ANKH: variants seen among roughly 807,000 people sequenced by gnomAD.
ANKH encodes ANKH inorganic pyrophosphate transport regulator.
In ANKH, 15 loss-of-function variants were observed where a neutral mutation model predicts 49.0. That is an observed-to-expected ratio of 0.31 (90% CI 0.20 to 0.47). The LOEUF (loss-of-function observed/expected upper bound fraction) is 0.47. ANKH is among the 20% of genes least tolerant of loss of function. The pLI, the probability that ANKH is intolerant of heterozygous loss-of-function variation, is 1.00. For synonymous variants in ANKH, 273 were observed against 260.0 expected (o/e 1.05, Z -0.48); for missense variants, 429 against 652.0 (o/e 0.66, Z 3.72).
chr5:14,841,155 A>C (rs981577266), intron 1 of ANKH, among the ~76,000 whole-genome samples: 4 of 152,210 alleles, frequency 2.6e-5, no homozygotes, highest in Non-Finnish European at 5.9e-5. Flanking sequence ...AGAGCTGACA[A>C]AGTTTTATTT....
In ANKH at chr5:14,758,503, C is replaced by T. The variant is rs776696718; in HGVS notation, c.409G>A (p.Ala137Thr). 26 of 1,614,012 alleles carry T rather than the reference C, an allele frequency of 1.6e-5. No individual in the cohort carries two copies. Among genetic ancestry groups the T allele is most frequent in the Non-Finnish European group, 2.1e-5 (25 of 1,179,902 alleles). ...ACCATTGCGTCCATGAAAGGAAAGG[C>T]GGCGAGGTACAGGAAGGCCCTTCTC... is the stretch of plus-strand genomic sequence containing the variant. ...KTRRAFLYLAAFPFMDAMAWT... is the reference protein window; with the variant it reads ...KTRRAFLYLATFPFMDAMAWT... Residue 137 changes from alanine to threonine, a missense_variant, in exon 3 of 12, where the codon GCC (alanine) becomes ACC (threonine). Transcript: ENST00000284268.
Position 14,751,162 on chromosome 5 carries a change from G to A in ANKH, c.594C>T (p.Tyr198=). ...TGGTGCAGCGCACAAGTGCGCCCAT[G>A]TACAAGGAGAGGATCGGGATGAGCA... The part of the protein sequence containing the change: ...EPLLIPILSL[Y]MGALVRCTTL... Residue 198 remains tyrosine, a synonymous_variant, in exon 5 of 12, where the codon TAC becomes TAT. Transcript: ENST00000284268. 6.2e-7 allele frequency: 1 copy of A among 1,614,260 alleles called. No homozygotes were observed. Among genetic ancestry groups the A allele is most frequent in the Non-Finnish European group, 8.5e-7 (1 of 1,180,054 alleles).
chr5:14,798,163 C>A (rs1740450780), intron 1 of ANKH: 1 of 1,562,654 alleles, frequency 6.4e-7, no homozygotes, highest in Non-Finnish European at 8.8e-7. Context: ...CTGGCTATAA[C>A]AAGATGGTTT....
intron 1 of ANKH, among the ~76,000 whole-genome samples, chr5:14,809,335 T>TAAAAAAAAAAAAAAAA (rs36119317): frequency 5.3e-4 from 43 of 80,778 alleles, no homozygotes; most frequent in Non-Finnish European, 7.1e-4. Flanking sequence ...TAGAGTATAA[T>TAAAAAAAAAAAAAAAA]AAAAAAAAAA....
At chr5:14,836,618 A>G (rs1212673497) in intron 1 of ANKH, among the ~76,000 whole-genome samples, 1 of 152,226 alleles carries the variant, frequency 6.6e-6, no homozygotes, top group Non-Finnish European at 1.5e-5. Flanking sequence ...AAAATAAAAG[A>G]GGACACAAAC....
At chr5:14,762,754 T>A (rs949556171) in intron 2 of ANKH, among the ~76,000 whole-genome samples, 1 of 152,112 alleles carries the variant, frequency 6.6e-6, no homozygotes, top group African/African-American at 2.4e-5. Flanking sequence ...GGGGGTAATT[T>A]GTTTAAAGTG....
intron 1 of ANKH, among the ~76,000 whole-genome samples, chr5:14,839,894 C>T (rs1167068374): frequency 6.6e-6 from 1 of 152,188 alleles, no homozygotes; most frequent in African/African-American, 2.4e-5. Context: ...CCCTGACTGG[C>T]AAGTACCATC....
At chr5:14,749,151 C>A in intron 6 of ANKH, 21 bp downstream of exon 6, 2 of 1,613,954 alleles carry the variant, frequency 1.2e-6, no homozygotes, top group African/African-American at 2.7e-5. Flanking sequence ...ATAAGCCCCA[C>A]ATCCCCAAAG....
intron 7 of ANKH, among the ~76,000 whole-genome samples, chr5:14,744,313 G>C (rs34106421): frequency 0.057 from 8,533 of 148,474 alleles, 329 homozygotes; most frequent in East Asian, 0.13. Context: ...TCACAGTCCA[G>C]TAGGTGGTGG....
chr5:14,871,767 T>G lies in ANKH; in HGVS notation c.-320A>C, dbSNP rs1295019505. 3.5e-5 allele frequency: 5 copies of G among 141,152 alleles called. No individual in the cohort carries two copies. The highest frequency in any genetic ancestry group is 6.0e-5 in the Non-Finnish European group (4 of 66,734). The allele number at this position is 141,152 out of a possible 1,614,324, so 8.7% of individuals were successfully genotyped here. A position where few individuals can be genotyped will look rare whatever the true frequency, so the allele number is the denominator to read the frequency against. ...AAGGTTCTGCTGACAGCGGCTCCAT[T>G]ATAAGCGCTCTGGGGCCCGGAAATA... On this transcript the variant is annotated 5_prime_UTR_variant, in exon 1 of 12. Coordinates refer to ENST00000284268, the MANE Select transcript of ANKH (RefSeq NM_054027.6).
intron 1 of ANKH, among the ~76,000 whole-genome samples, chr5:14,793,974 C>A (rs1740291298): frequency 6.6e-6 from 1 of 152,252 alleles, no homozygotes; most frequent in Non-Finnish European, 1.5e-5. Flanking sequence ...TTCTGGCCTG[C>A]AAAGCAAATG....
In ANKH at chr5:14,711,186, C is replaced by T. The variant is rs111369645; in HGVS notation, c.*11G>A. 2,933 of 1,605,206 alleles carry T rather than the reference C, an allele frequency of 1.8e-3. 20 individuals are homozygous for T. The East Asian group carries it at 0.025, about 13-fold the overall frequency. ...CTGACTGTCCCTGCAGTGCCCATGG[C>T]GTCCCGTGCCTTATTCATTCTCCTC... is the stretch of plus-strand genomic sequence containing the variant. On this transcript the variant is annotated 3_prime_UTR_variant, in exon 12 of 12. Transcript: ENST00000284268.
intron 1 of ANKH, among the ~76,000 whole-genome samples, chr5:14,774,182 G>A (rs1739538060): frequency 6.6e-6 from 1 of 152,084 alleles, no homozygotes; most frequent in South Asian, 2.1e-4. Context: ...GAAACATTCA[G>A]TTATCATGCA....
rs1440523964 is a variant in ANKH, at chr5:14,770,222, GC to G, written c.97-1032del. ...TACAGAGCATTCCCATATATCCTTT[GC>G]CCCCCACAAACACGGAGCCTCCCCT... On this transcript the variant is annotated intron_variant, in intron 1 of 11. Coordinates refer to ENST00000284268, the MANE Select transcript of ANKH (RefSeq NM_054027.6). This position sits in a 1 kb window ranked among gnomAD's most constrained non-coding sequence, Gnocchi z 4.1. 1.3e-5 allele frequency among the ~76,000 whole-genome samples: 2 copies of G among 151,944 alleles called. No individual in the cohort carries two copies. The highest frequency in any genetic ancestry group is 1.9e-4 in the East Asian group (1 of 5,192).
chr5:14,802,433 A>C (rs1294444659), intron 1 of ANKH, among the ~76,000 whole-genome samples: 1 of 152,004 alleles, frequency 6.6e-6, no homozygotes, highest in Admixed American at 6.6e-5. Context: ...GAGTTTGCTG[A>C]ATCCCTATTA....
Position 14,842,080 on chromosome 5 carries a change from C to T in ANKH, c.96+29272G>A, listed in dbSNP as rs150420653. On this transcript the variant is annotated intron_variant, in intron 1 of 11. Transcript: ENST00000284268. ...ATAAAAAAAGCTAAACAGATAAATG[C>T]TTTCACTAAAATTAGACAATTCCTA... is the stretch of plus-strand genomic sequence containing the variant. Among the ~76,000 whole-genome samples, 979 of 152,258 alleles carry T rather than the reference C, an allele frequency of 6.4e-3. 5 individuals are homozygous for T. The highest frequency in any genetic ancestry group is 0.011 in the Non-Finnish European group (778 of 67,992).
At chr5:14,819,241 C>G (rs901178032) in intron 1 of ANKH, among the ~76,000 whole-genome samples, 1 of 152,220 alleles carries the variant, frequency 6.6e-6, no homozygotes, top group Non-Finnish European at 1.5e-5. Flanking sequence ...CTGTCTCAAC[C>G]TATTTCTTTT....
intron 8 of ANKH, among the ~76,000 whole-genome samples, chr5:14,720,297 A>T (rs2126423938): frequency 6.6e-6 from 1 of 152,330 alleles, no homozygotes; most frequent in Middle Eastern, 3.4e-3. Flanking sequence ...GACATGAAGG[A>T]AAAAATACTT....
At chr5:14,818,036 C>G (rs1175713565) in intron 1 of ANKH, among the ~76,000 whole-genome samples, 1 of 141,488 alleles carries the variant, frequency 7.1e-6, no homozygotes, top group East Asian at 2.1e-4. Context: ...TGCACTCCAG[C>G]CTGGGTGACA....
Sources: allele counts gnomAD v4.1 joint callset (sites outside exome capture counted in the v4.1 genomes callset), GRCh38; gene constraint gnomAD v4.1.1; non-coding constraint Gnocchi (gnomAD v3.1); transcripts MANE v1.5; gene names NCBI Gene and HGNC (gene_info 2026-07-23, HGNC 2026-07-21).